Variants in CSRNP3 observed in about 807,000 individuals in gnomAD.
CSRNP3 encodes the protein cysteine/serine-rich nuclear protein 3.
A neutral mutation model predicts 48.0 loss-of-function variants in CSRNP3; 12 were observed. That is an observed-to-expected ratio of 0.25 (90% confidence interval 0.16 to 0.41). CSRNP3 has a LOEUF of 0.41. CSRNP3 is among the 10% of genes least tolerant of loss of function. The pLI is 1.00. For synonymous variants in CSRNP3, 263 were observed against 269.7 expected, an observed-to-expected ratio of 0.98 and a Z score of 0.24; for missense variants, 580 against 724.4, an observed-to-expected ratio of 0.80 and a Z score of 2.29.
chr2:165,559,796 CTTTTTTTTTTTTT>C (rs11313094), intron 3 of CSRNP3, among the ~76,000 whole-genome samples: 1 of 98,424 alleles, frequency 1.0e-5, no homozygotes, highest in Non-Finnish European at 1.9e-5. Flanking sequence ...TTCTTTCTTT[CTTTTTTTTTTTTT>C]TTTTTTTTGA....
rs190688496 is a variant in CSRNP3 at position 165,508,931 on chromosome 2, C to T, written c.-112-8942C>T. 3.9e-3 allele frequency among the ~76,000 whole-genome samples: 589 copies of T among 152,170 alleles called. 3 individuals are homozygous for T. Among genetic ancestry groups the T allele is most frequent in the Middle Eastern group, 6.8e-3 (2 of 294 alleles). Reference sequence around the variant, plus strand: ...ATAATATATATTCTTTAAAAAATATCCTTATAGACTTATACTTCACCTTTT... The same window carrying T: ...ATAATATATATTCTTTAAAAAATATTCTTATAGACTTATACTTCACCTTTT... On this transcript the variant is annotated intron_variant, in intron 2 of 6. Coordinates refer to ENST00000651982, the MANE Select transcript of CSRNP3 (RefSeq NM_001172173.2).
chr2:165,484,313 A>G (rs754502618), intron 1 of CSRNP3, among the ~76,000 whole-genome samples: 1 of 151,996 alleles, frequency 6.6e-6, no homozygotes, highest in Non-Finnish European at 1.5e-5. Flanking sequence ...GGCTGGTCTC[A>G]AACTCCTGGC....
chr2:165,560,593 A>G (rs1262710401), intron 3 of CSRNP3, among the ~76,000 whole-genome samples: 4 of 152,062 alleles, frequency 2.6e-5, no homozygotes, highest in Admixed American at 2.6e-4. Context: ...CATCTTATCT[A>G]CTCTGATAGA....
At position 165,681,189 on chromosome 2, in the gene CSRNP3, T is replaced by C. The variant is rs1687531012; in HGVS notation, c.*1436T>C. 2 of 152,190 alleles carry C rather than the reference T, an allele frequency of 1.3e-5. No homozygotes were observed. The highest frequency in any genetic ancestry group is 2.9e-5 in the Non-Finnish European group (2 of 68,034). 9.4% of individuals were successfully genotyped at this position (152,190 alleles called of 1,614,324 possible). On this transcript the variant is annotated 3_prime_UTR_variant, in exon 7 of 7. Coordinates refer to ENST00000651982, the MANE Select transcript of CSRNP3 (RefSeq NM_001172173.2). ...CCGTTTCCCTGTAAATTAATTTAGG[T>C]AACTAAATAGTGTAATTCTGCCTTT...
At chr2:165,505,050 TC>T (rs1253115017) in intron 2 of CSRNP3, among the ~76,000 whole-genome samples, 1 of 152,138 alleles carries the variant, frequency 6.6e-6, no homozygotes, top group African/African-American at 2.4e-5. Context: ...ACTCTCATTT[TC>T]AGAAAACTTC....
chr2:165,524,684 T>C (rs1464180125), intron 3 of CSRNP3, among the ~76,000 whole-genome samples: 1 of 152,204 alleles, frequency 6.6e-6, no homozygotes, highest in African/African-American at 2.4e-5. Context: ...GTCTTATCAA[T>C]GGAACACAGA....
chr2:165,568,085 A>G (rs1302373092), intron 3 of CSRNP3, among the ~76,000 whole-genome samples: 2 of 152,032 alleles, frequency 1.3e-5, no homozygotes, highest in East Asian at 3.9e-4. Flanking sequence ...TAAATATTTC[A>G]TCATTCTTTC....
At chr2:165,647,985 C>T (rs544294221) in intron 4 of CSRNP3, among the ~76,000 whole-genome samples, 36 of 152,122 alleles carry the variant, frequency 2.4e-4, no homozygotes, top group African/African-American at 7.7e-4. Context: ...TTATATAGAA[C>T]GGGGGGAAAA....
At chr2:165,592,838 G>T (rs2105293101) in intron 3 of CSRNP3, among the ~76,000 whole-genome samples, 1 of 121,480 alleles carries the variant, frequency 8.2e-6, no homozygotes, top group African/African-American at 3.2e-5. Flanking sequence ...GTCTCGCTCT[G>T]TCGCCCAGGC....
chr2:165,679,771 G>C lies in CSRNP3; in HGVS notation c.*18G>C. 1 of 1,597,442 alleles carries C rather than the reference G, an allele frequency of 6.3e-7. No individual in the cohort carries two copies. Among genetic ancestry groups the C allele is most frequent in the Non-Finnish European group, 8.5e-7 (1 of 1,170,288 alleles). On this transcript the variant is annotated 3_prime_UTR_variant, in exon 7 of 7. Transcript: ENST00000651982. ...CTGTTTAGTAGCTTAAATTATTCTA[G>C]GACCAACTCTTCTCTTATTTAAGGC...
chr2:165,677,594 A>G (rs987722279), intron 6 of CSRNP3, among the ~76,000 whole-genome samples: 2 of 152,092 alleles, frequency 1.3e-5, no homozygotes, highest in Non-Finnish European at 2.9e-5. Flanking sequence ...AAAAAAAAAA[A>G]AAAAATACAG....
intron 4 of CSRNP3, among the ~76,000 whole-genome samples, chr2:165,607,164 T>C (rs776059312): frequency 6.6e-5 from 10 of 152,146 alleles, no homozygotes; most frequent in Non-Finnish European, 1.3e-4. Flanking sequence ...TATTTTATCT[T>C]TCAGTAACTC....
intron 2 of CSRNP3, among the ~76,000 whole-genome samples, chr2:165,514,702 C>G (rs1310104584): frequency 6.6e-6 from 1 of 152,172 alleles, no homozygotes; most frequent in Non-Finnish European, 1.5e-5. Flanking sequence ...TCATTCTTCC[C>G]AACTCCTCCT....
At chr2:165,594,895 G>GA (rs925606464) in intron 3 of CSRNP3, 148 bp from the exon 4 acceptor site, 361 of 513,926 alleles carry the variant, frequency 7.0e-4, no homozygotes, top group South Asian at 1.8e-3. Flanking sequence ...TTTGAAAATA[G>GA]AAAAAAAAAT....
intron 3 of CSRNP3, among the ~76,000 whole-genome samples, chr2:165,539,078 A>G (rs569782483): frequency 6.6e-6 from 1 of 152,098 alleles, no homozygotes; most frequent in South Asian, 2.1e-4. Flanking sequence ...AATTTTCATT[A>G]AGTCTTATCG....
intron 3 of CSRNP3, among the ~76,000 whole-genome samples, chr2:165,564,131 T>A (rs1310233927): frequency 6.6e-6 from 1 of 152,058 alleles, no homozygotes; most frequent in Non-Finnish European, 1.5e-5. Flanking sequence ...AGTGTGTGAT[T>A]TCTTACAGAA....
chr2:165,578,146 TA>T (rs1685483083), intron 3 of CSRNP3, among the ~76,000 whole-genome samples: 1 of 152,022 alleles, frequency 6.6e-6, no homozygotes, highest in African/African-American at 2.4e-5. Flanking sequence ...TGCATTTGAC[TA>T]ATCATTGGTG....
intron 4 of CSRNP3, among the ~76,000 whole-genome samples, chr2:165,612,820 T>C (rs185600800): frequency 6.6e-6 from 1 of 152,214 alleles, no homozygotes; most frequent in Non-Finnish European, 1.5e-5. Context: ...CTTTATCCAT[T>C]CATCTGTTGA....
intron 5 of CSRNP3, among the ~76,000 whole-genome samples, chr2:165,668,807 C>A (rs1357225499): frequency 6.6e-6 from 1 of 152,092 alleles, no homozygotes; most frequent in African/African-American, 2.4e-5. Flanking sequence ...GCCACGTTGT[C>A]TTTTTTTGTT....
Sources: allele counts gnomAD v4.1 joint callset (sites outside exome capture counted in the v4.1 genomes callset), GRCh38; gene constraint gnomAD v4.1.1; transcripts MANE v1.5; gene names NCBI Gene and HGNC (gene_info 2026-07-23, HGNC 2026-07-21).